The following PDE10A variants were observed in gnomAD, a reference collection of about 807,000 sequenced individuals.
The protein encoded by PDE10A is cAMP and cAMP-inhibited cGMP 3',5'-cyclic phosphodiesterase 10A.
A neutral mutation model predicts 97.7 loss-of-function variants in PDE10A; 39 were observed. The observed-to-expected ratio is 0.40, with a 90% confidence interval of 0.31 to 0.52. The LOEUF (loss-of-function observed/expected upper bound fraction) is 0.52. Ranked by LOEUF, PDE10A falls within the 20% of genes least tolerant of loss-of-function variation. The pLI is 0.56. For synonymous variants in PDE10A, 371 were observed against 376.8 expected (o/e 0.98, Z 0.18); for missense variants, 731 against 1,047.8 (o/e 0.70, Z 4.17).
rs1791897323 is a variant in PDE10A at position 165,711,618 on chromosome 6, A to G, written c.-614-168050T>C. 6.6e-6 allele frequency among the ~76,000 whole-genome samples: 1 copy of G among 152,262 alleles called. No individual in the cohort carries two copies. The highest frequency in any genetic ancestry group is 1.9e-4 in the East Asian group (1 of 5,152). On this transcript the variant is annotated intron_variant, in intron 1 of 19. Transcript: ENST00000366882. The surrounding 1 kb of genome is among the most constrained non-coding windows in gnomAD (Gnocchi z 4.5). ...GAGGAATGTGAGTGTGTGTCTTGGT[A>G]GGGTCAATGAGATGAAGGTAAGAGA...
chr6:165,573,662 T>C (rs1202422844), intron 1 of PDE10A, among the ~76,000 whole-genome samples: 11 of 152,240 alleles, frequency 7.2e-5, no homozygotes, highest in Non-Finnish European at 1.5e-5. Context: ...GTGTAATGAA[T>C]TGAATGTATC....
rs1421032640 is a variant in PDE10A, at chr6:165,663,183, C to T, written c.-372G>A. Among the ~76,000 whole-genome samples, 1 of 151,930 alleles carries T rather than the reference C, an allele frequency of 6.6e-6. No individual in the cohort carries two copies. Among genetic ancestry groups the T allele is most frequent in the South Asian group, 2.1e-4 (1 of 4,838 alleles). On this transcript the variant is annotated 5_prime_UTR_variant, in exon 1 of 22. Coordinates refer to ENST00000539869, the MANE Select transcript of PDE10A (RefSeq NM_001385079.1). ...GCTTCTCGAAAGCAGCGGAGAAAAG[C>T]GCCGCAGTGCCGCTGCCCGTGGAGG...
At position 165,764,908 on chromosome 6, in the gene PDE10A, G is replaced by C. The variant is rs187938281; in HGVS notation, c.-614-221340C>G. On this transcript the variant is annotated intron_variant, in intron 1 of 19. Transcript: ENST00000366882. The stretch of plus-strand genomic sequence containing the variant: ...CCACGTCCTGCTGATTGGTAGAGCC[G>C]AGTGGTCTGTTTTGACAGGGCACTG... Among the ~76,000 whole-genome samples, 676 of 152,250 alleles carry C rather than the reference G, an allele frequency of 4.4e-3. 5 individuals carry two copies. Among genetic ancestry groups the C allele is most frequent in the African/African-American group, 0.014 (585 of 41,538 alleles).
intron 1 of PDE10A, among the ~76,000 whole-genome samples, chr6:165,757,232 T>C (rs1793138020): frequency 6.6e-6 from 1 of 152,196 alleles, no homozygotes; most frequent in Non-Finnish European, 1.5e-5. Flanking sequence ...CCCAAAGTGC[T>C]GGGATTCCAG....
chr6:165,734,097 C>T (rs969037647), intron 1 of PDE10A, among the ~76,000 whole-genome samples: 2 of 152,180 alleles, frequency 1.3e-5, no homozygotes, highest in African/African-American at 4.8e-5. Context: ...CGTAGAAGGA[C>T]CCATCTGCTG....
chr6:165,624,171 C>T (rs952708285), intron 1 of PDE10A, among the ~76,000 whole-genome samples: 2 of 152,250 alleles, frequency 1.3e-5, no homozygotes, highest in Admixed American at 1.3e-4. Flanking sequence ...AGAGTTCCCA[C>T]AAGAACTGTC....
At chr6:165,766,799 A>G (rs1174146719) in intron 1 of PDE10A, among the ~76,000 whole-genome samples, 1 of 152,230 alleles carries the variant, frequency 6.6e-6, no homozygotes, top group Non-Finnish European at 1.5e-5. Context: ...AATTGTAATA[A>G]ATGTGTTTAG....
Position 165,662,865 on chromosome 6 carries a change from G to A in PDE10A, c.-54C>T, listed in dbSNP as rs1353035729. Among the ~76,000 whole-genome samples the A allele has an allele frequency of 7.3e-5, 11 of 150,962 alleles. No homozygotes were observed. The highest frequency in any genetic ancestry group is 1.2e-4 in the Non-Finnish European group (8 of 67,522). ...GCCGCGGGCGGGAGGGGCGCGGCGG[G>A]CCGGGGCTCGGTGGGCTCCGCCCCC... On this transcript the variant is annotated 5_prime_UTR_variant, in exon 1 of 22. Coordinates refer to ENST00000539869, the MANE Select transcript of PDE10A (RefSeq NM_001385079.1).
chr6:165,514,615 T>G (rs1562537270), intron 2 of PDE10A, among the ~76,000 whole-genome samples: 1 of 152,202 alleles, frequency 6.6e-6, no homozygotes, highest in Non-Finnish European at 1.5e-5. Flanking sequence ...CACAGGCTAG[T>G]AGAGCCTGGC....
At chr6:165,622,654 A>G (rs1209921475) in intron 1 of PDE10A, among the ~76,000 whole-genome samples, 1 of 152,192 alleles carries the variant, frequency 6.6e-6, no homozygotes, top group Non-Finnish European at 1.5e-5. Flanking sequence ...GTGTATGTAG[A>G]CATGCACACA....
chr6:165,471,049 A>T (rs747755997), intron 3 of PDE10A, among the ~76,000 whole-genome samples: 5 of 152,112 alleles, frequency 3.3e-5, no homozygotes, highest in Non-Finnish European at 5.9e-5. Flanking sequence ...CTTCTCTCAC[A>T]AATTCCAATT....
Position 165,671,014 on chromosome 6 carries a change from C to T in PDE10A, c.-614-127446G>A, listed in dbSNP as rs933564701. On this transcript the variant is annotated intron_variant, in intron 1 of 19. Transcript: ENST00000366882. This position sits in a 1 kb window ranked among gnomAD's most constrained non-coding sequence, Gnocchi z 4.6. ...GGAGTCTAACAAATGGCACTTTATA[C>T]GTCTACAGACTAGGGTTATCTGACC... is the stretch of plus-strand genomic sequence containing the variant. 6.6e-6 allele frequency among the ~76,000 whole-genome samples: 1 copy of T among 152,140 alleles called. No individual in the cohort carries two copies. Among genetic ancestry groups the T allele is most frequent in the Non-Finnish European group, 1.5e-5 (1 of 68,034 alleles).
At chr6:165,652,547 C>T (rs1167245748) in intron 1 of PDE10A, among the ~76,000 whole-genome samples, 7 of 152,184 alleles carry the variant, frequency 4.6e-5, no homozygotes, top group African/African-American at 1.7e-4. Flanking sequence ...AACTATAATA[C>T]AGAAACACAA....
At chr6:165,385,361 T>C (rs1785234485) in intron 17 of PDE10A, among the ~76,000 whole-genome samples, 1 of 152,012 alleles carries the variant, frequency 6.6e-6, no homozygotes, top group Non-Finnish European at 1.5e-5. Context: ...GTTCAACTGC[T>C]TGGGCAGAAG....
At chr6:165,465,327 T>A (rs1173124857) in intron 3 of PDE10A, among the ~76,000 whole-genome samples, 1 of 152,134 alleles carries the variant, frequency 6.6e-6, no homozygotes, top group Non-Finnish European at 1.5e-5. Flanking sequence ...AATGCTTACT[T>A]TAAAAAATTT....
chr6:165,873,253 C>T (rs35004241), intron 1 of PDE10A, among the ~76,000 whole-genome samples: 5,480 of 152,262 alleles, frequency 0.036, 116 homozygotes, highest in Middle Eastern at 0.054. Context: ...CAAACACCAA[C>T]GCTTTGAATT....
At chr6:165,694,508 C>T (rs1791391248) in intron 1 of PDE10A, among the ~76,000 whole-genome samples, 2 of 152,218 alleles carry the variant, frequency 1.3e-5, no homozygotes, top group African/African-American at 4.8e-5. Flanking sequence ...AACTCTGAGT[C>T]CCTAAGTGTC....
chr6:165,431,366 C>T (rs1789541041), intron 8 of PDE10A, 56 bp downstream of exon 8: 3 of 1,192,810 alleles, frequency 2.5e-6, no homozygotes, highest in Admixed American at 2.0e-5. Flanking sequence ...CAATGCCTCA[C>T]TCCAAAAACC....
intron 1 of PDE10A, among the ~76,000 whole-genome samples, chr6:165,916,350 C>G (rs1782603424): frequency 6.6e-6 from 1 of 152,224 alleles, no homozygotes; most frequent in South Asian, 2.1e-4. Flanking sequence ...AACTCAGATT[C>G]AGGACAGGAC....
Sources: gnomAD v4.1 joint callset for allele counts (sites outside exome capture counted in the v4.1 genomes callset) on GRCh38, gnomAD v4.1.1 for gene constraint, Gnocchi (gnomAD v3.1) non-coding constraint, MANE v1.5 for transcripts, NCBI Gene and HGNC (gene_info 2026-07-23, HGNC 2026-07-21) for gene names.